Variants in ANGPTL2 observed in about 807,000 individuals in gnomAD.
ANGPTL2 encodes the protein angiopoietin like 2.
In ANGPTL2, 25 loss-of-function variants were observed where a neutral mutation model predicts 52.8. That is an observed-to-expected ratio of 0.47 (90% CI 0.35 to 0.66). ANGPTL2 has a LOEUF of 0.66. Among genes scored for constraint, ANGPTL2 ranks in the 30% least tolerant of loss-of-function variants. The pLI, the probability that ANGPTL2 is intolerant of heterozygous loss-of-function variation, is 0.01. For missense variants in ANGPTL2, 546 were observed against 656.9 expected, an observed-to-expected ratio of 0.83 and a Z score of 1.84; for synonymous variants, 276 against 277.4, an observed-to-expected ratio of 1.00 and a Z score of 0.05.
chr9:127,104,704 C>T lies in ANGPTL2; in HGVS notation c.817+3211G>A, dbSNP rs115214288. Among the ~76,000 whole-genome samples, 745 of 152,336 alleles carry T rather than the reference C, an allele frequency of 4.9e-3. 8 individuals are homozygous for T. The highest frequency in any genetic ancestry group is 0.017 in the African/African-American group (713 of 41,584). On this transcript the variant is annotated intron_variant, in intron 2 of 4. Transcript: ENST00000373425. ...TTGTGGTACAGCTTCAGATAAGCAGCCATGGCTCCCTTAGTCCCCTGGGGA... is the reference window on the plus strand; with the variant it reads ...TTGTGGTACAGCTTCAGATAAGCAGTCATGGCTCCCTTAGTCCCCTGGGGA...
chr9:127,095,157 G>A (rs1432782080), intron 2 of ANGPTL2, among the ~76,000 whole-genome samples: 1 of 152,238 alleles, frequency 6.6e-6, no homozygotes, highest in African/African-American at 2.4e-5. Flanking sequence ...CCAGCACTTT[G>A]GGAGGCTGAG....
At chr9:127,101,136 C>T (rs1050798536) in intron 2 of ANGPTL2, among the ~76,000 whole-genome samples, 4 of 152,222 alleles carry the variant, frequency 2.6e-5, no homozygotes, top group Non-Finnish European at 4.4e-5. Context: ...TTTCAGTGTT[C>T]CCAAAATGCT....
chr9:127,111,143 T>C (rs183180929), intron 1 of ANGPTL2, among the ~76,000 whole-genome samples: 117 of 152,298 alleles, frequency 7.7e-4, no homozygotes, highest in African/African-American at 2.7e-3. Flanking sequence ...TTTGGTTGTC[T>C]GTCAAGTGTT....
intron 2 of ANGPTL2, among the ~76,000 whole-genome samples, chr9:127,094,269 A>G (rs2052849027): frequency 6.6e-6 from 1 of 152,116 alleles, no homozygotes; most frequent in African/African-American, 2.4e-5. Flanking sequence ...GATTACTGAG[A>G]TCATTTGGGG....
chr9:127,115,556 A>G (rs1481246084), intron 1 of ANGPTL2, among the ~76,000 whole-genome samples: 3 of 152,258 alleles, frequency 2.0e-5, no homozygotes, highest in East Asian at 3.8e-4. Flanking sequence ...TCGCTTGTTC[A>G]AGATCACTTG....
At chr9:127,121,611 C>T (rs960019453) in intron 1 of ANGPTL2, among the ~76,000 whole-genome samples, 3 of 152,240 alleles carry the variant, frequency 2.0e-5, no homozygotes, top group East Asian at 1.9e-4. Flanking sequence ...TGCTTTCAGG[C>T]GACTTGGTAT....
chr9:127,091,297 G>A lies in ANGPTL2; in HGVS notation c.1282+373C>T, dbSNP rs1406920330. 6.6e-6 allele frequency among the ~76,000 whole-genome samples: 1 copy of A among 152,232 alleles called. No homozygotes were observed. The highest frequency in any genetic ancestry group is 1.5e-5 in the Non-Finnish European group (1 of 68,042). On this transcript the variant is annotated intron_variant, in intron 4 of 4. Transcript: ENST00000373425. The surrounding 1 kb of genome is among the most constrained non-coding windows in gnomAD (Gnocchi z 4.3). ...GCCAGCACTGGAGCCCAGGTGTGTG[G>A]CCCAGAGCCTACGCAGTTGGTTAGC...
At chr9:127,105,616 C>T (rs1194311251) in intron 2 of ANGPTL2, among the ~76,000 whole-genome samples, 1 of 152,226 alleles carries the variant, frequency 6.6e-6, no homozygotes, top group African/African-American at 2.4e-5. Flanking sequence ...ACTTAGCACA[C>T]CAGGGTATCA....
At chr9:127,115,359 T>G (rs1337853351) in intron 1 of ANGPTL2, among the ~76,000 whole-genome samples, 1 of 152,136 alleles carries the variant, frequency 6.6e-6, no homozygotes, top group Non-Finnish European at 1.5e-5. Flanking sequence ...CTGGCTAATT[T>G]TTGTATTTTT....
At chr9:127,089,238 C>G in intron 4 of ANGPTL2, 100 bp from the exon 5 acceptor site, 1 of 1,306,252 alleles carries the variant, frequency 7.7e-7, no homozygotes, top group Non-Finnish European at 1.1e-6. Context: ...TGGGAGGCAT[C>G]TGGAGCAAGA....
chr9:127,101,449 C>G (rs2053716899), intron 2 of ANGPTL2, among the ~76,000 whole-genome samples: 1 of 152,228 alleles, frequency 6.6e-6, no homozygotes, highest in Non-Finnish European at 1.5e-5. Context: ...ATGAGTCCCT[C>G]AATGCTCTGT....
In ANGPTL2 at chr9:127,090,201, A is replaced by T. The variant is rs528932328; in HGVS notation, c.1283-1063T>A. ...CCTCCTCTTTGCCAGCGGAGGTCCC[A>T]CACACCTCCAGGGACAAGGACCTTG... On this transcript the variant is annotated intron_variant, in intron 4 of 4. Transcript: ENST00000373425. Among the ~76,000 whole-genome samples the T allele has an allele frequency of 9.8e-5, 15 of 152,312 alleles. No individual in the cohort carries two copies. The South Asian group carries it at 3.1e-3, about 32-fold the overall frequency.
At chr9:127,102,551 A>G (rs1214717386) in intron 2 of ANGPTL2, among the ~76,000 whole-genome samples, 2 of 152,176 alleles carry the variant, frequency 1.3e-5, no homozygotes, top group Non-Finnish European at 2.9e-5. Context: ...TAACAAGTTG[A>G]TAGTTTATCT....
intron 1 of ANGPTL2, among the ~76,000 whole-genome samples, chr9:127,120,062 T>C (rs1187810393): frequency 6.6e-6 from 1 of 152,228 alleles, no homozygotes; most frequent in Non-Finnish European, 1.5e-5. Context: ...TGTATCAGTG[T>C]TGTCTGGTGT....
intron 2 of ANGPTL2, among the ~76,000 whole-genome samples, chr9:127,095,929 C>T (rs553960170): frequency 2.6e-5 from 4 of 152,180 alleles, no homozygotes; most frequent in Non-Finnish European, 4.4e-5. Context: ...CTTCCCACTG[C>T]CCAGTATTGC....
intron 1 of ANGPTL2, among the ~76,000 whole-genome samples, chr9:127,121,104 C>G (rs1177090151): frequency 2.0e-5 from 3 of 152,198 alleles, no homozygotes; most frequent in Admixed American, 2.0e-4. Flanking sequence ...CCTCAGTTTC[C>G]TCACCTATAA....
intron 1 of ANGPTL2, among the ~76,000 whole-genome samples, chr9:127,121,642 T>A (rs1331768431): frequency 2.0e-5 from 3 of 152,180 alleles, no homozygotes; most frequent in African/African-American, 7.2e-5. Flanking sequence ...TGCTGTCCCC[T>A]TGCGGGGGTA....
chr9:127,092,071 G>T, intron 3 of ANGPTL2, 131 bp from the exon 4 acceptor site: 2 of 1,068,060 alleles, frequency 1.9e-6, no homozygotes, highest in Non-Finnish European at 2.7e-6. Flanking sequence ...ACCTGGTTCA[G>T]ACCCCTACTC....
At chr9:127,094,897 G>A (rs541913507) in intron 2 of ANGPTL2, among the ~76,000 whole-genome samples, 2 of 152,188 alleles carry the variant, frequency 1.3e-5, no homozygotes, top group South Asian at 4.1e-4. Flanking sequence ...CCCCACCCCT[G>A]CCCATCAACT....
Sources: gnomAD v4.1 joint callset for allele counts (sites outside exome capture counted in the v4.1 genomes callset) on GRCh38, gnomAD v4.1.1 for gene constraint, Gnocchi (gnomAD v3.1) non-coding constraint, MANE v1.5 for transcripts, NCBI Gene and HGNC (gene_info 2026-07-23, HGNC 2026-07-21) for gene names.